Variants in ERICH6 observed in about 807,000 individuals in gnomAD.
ERICH6 encodes glutamate rich 6.
ERICH6 carries 71 observed loss-of-function variants against 71.0 expected under a neutral mutation model. The observed-to-expected ratio is 1.00, with a 90% CI of 0.83 to 1.22. ERICH6 has a LOEUF of 1.22. ERICH6 is among the 50% of genes most tolerant of loss of function. The pLI is 0.00. For missense variants in ERICH6, 808 were observed against 797.2 expected (o/e 1.01, Z -0.16); for synonymous variants, 262 against 278.4 (o/e 0.94, Z 0.59).
intron 7 of ERICH6, among the ~76,000 whole-genome samples, chr3:150,681,767 T>C (rs1019741874): frequency 6.6e-6 from 1 of 151,608 alleles, no homozygotes; most frequent in Non-Finnish European, 1.5e-5. Context: ...TATCCCACTG[T>C]GCTTGTGATT....
Position 150,675,734 on chromosome 3 carries a change from A to G in ERICH6, c.1258-1693T>C, listed in dbSNP as rs1194234542. 2.0e-5 allele frequency among the ~76,000 whole-genome samples: 3 copies of G among 151,708 alleles called. No homozygotes were observed. In the East Asian group the frequency reaches 5.8e-4, roughly 29 times the overall value. On this transcript the variant is annotated intron_variant, in intron 10 of 13. Transcript: ENST00000295910. Reference sequence around the variant, plus strand: ...TTTTTTTTTTTACCACACTGAAGACATTCCATTGCCTTTGAGCCTCTATTG... The same window carrying G: ...TTTTTTTTTTTACCACACTGAAGACGTTCCATTGCCTTTGAGCCTCTATTG...
chr3:150,691,041 T>C (rs1156542659), intron 3 of ERICH6, among the ~76,000 whole-genome samples: 1 of 152,200 alleles, frequency 6.6e-6, no homozygotes, highest in Non-Finnish European at 1.5e-5. Context: ...GTTCAGCGTA[T>C]GCCCAGGAAT....
intron 3 of ERICH6, among the ~76,000 whole-genome samples, chr3:150,697,911 G>A (rs539262162): frequency 1.3e-5 from 2 of 152,152 alleles, no homozygotes; most frequent in Non-Finnish European, 2.9e-5. Context: ...CTCCACTGCA[G>A]CCACACTGGC....
At position 150,660,055 on chromosome 3, in the gene ERICH6, A is replaced by G. The variant is rs1727152755; in HGVS notation, c.1829T>C (p.Leu610Pro). Residue 610 changes from leucine (L) to proline (P), a missense_variant, in exon 14 of 14, where the codon CTT (leucine) becomes CCT (proline). Leu to Pro is a moderately conservative substitution (Grantham distance 98). Transcript: ENST00000295910. ...TGAGGGAAAATTCACACATCCTTCA[A>G]GTTTATGAAACAGGCGACGGATCTT... Reference protein sequence around the residue: ...LIKIRRLFHKLEGCVNFPSSQ... With the variant: ...LIKIRRLFHKPEGCVNFPSSQ... 3 of 1,614,048 alleles carry G rather than the reference A, an allele frequency of 1.9e-6. No homozygotes were observed. Among genetic ancestry groups the G allele is most frequent in the Non-Finnish European group, 2.5e-6 (3 of 1,180,046 alleles).
intron 9 of ERICH6, among the ~76,000 whole-genome samples, 191 bp from the exon 10 acceptor site, chr3:150,678,745 A>C (rs1013327288): frequency 9.2e-5 from 14 of 152,160 alleles, no homozygotes; most frequent in African/African-American, 3.1e-4. Flanking sequence ...CCTTTGTTAA[A>C]AGAAGAAAAA....
rs149175016 is a variant in ERICH6, at chr3:150,685,996, C to T, written c.636G>A (p.Glu212=). 1.2e-5 allele frequency: 19 copies of T among 1,604,710 alleles called. No homozygotes were observed. In the East Asian group the frequency reaches 2.9e-4, roughly 24 times the overall value. ...GCTCATATAAAATATTTAGTTTCGA[C>T]TCTTCTGGATTAATTACCCATTTTT... The part of the protein sequence containing the change: ...LREKWVINPE[E]SKLNILYELE... Residue 212 remains glutamate (E), a synonymous_variant, in exon 5 of 14, where the codon GAG becomes GAA. Coordinates refer to ENST00000295910, the MANE Select transcript of ERICH6 (RefSeq NM_152394.5).
At chr3:150,667,625 A>T (rs1441203855) in intron 12 of ERICH6, among the ~76,000 whole-genome samples, 3 of 152,144 alleles carry the variant, frequency 2.0e-5, no homozygotes, top group African/African-American at 7.2e-5. Flanking sequence ...CAGACCATGA[A>T]TGCCTTACAT....
intron 10 of ERICH6, among the ~76,000 whole-genome samples, chr3:150,675,959 C>A (rs928608557): frequency 1.4e-5 from 2 of 147,412 alleles, no homozygotes; most frequent in African/African-American, 5.0e-5. Context: ...GATTCTTAAA[C>A]CTGTTGATTG....
chr3:150,687,710 G>C (rs748198791), intron 3 of ERICH6, among the ~76,000 whole-genome samples: 15 of 152,198 alleles, frequency 9.9e-5, no homozygotes, highest in Non-Finnish European at 1.9e-4. Flanking sequence ...AAACCAATCA[G>C]AGCAACCTAT....
At chr3:150,699,953 G>A (rs533982023) in intron 2 of ERICH6, among the ~76,000 whole-genome samples, 3 of 152,272 alleles carry the variant, frequency 2.0e-5, no homozygotes, top group African/African-American at 7.2e-5. Flanking sequence ...GCATCTAGGA[G>A]GAGTTCTGAA....
chr3:150,665,198 A>G (rs1425344223), intron 13 of ERICH6, among the ~76,000 whole-genome samples: 1 of 152,210 alleles, frequency 6.6e-6, no homozygotes, highest in Non-Finnish European at 1.5e-5. Context: ...AAAAGTGCTT[A>G]GCACATTGTA....
intron 2 of ERICH6, among the ~76,000 whole-genome samples, chr3:150,700,106 G>A (rs1312207947): frequency 2.0e-5 from 3 of 151,722 alleles, no homozygotes; most frequent in East Asian, 3.9e-4. Flanking sequence ...ATGGAGTCCC[G>A]CTCTGTTGCC....
chr3:150,684,462 T>C (rs1346619791), intron 6 of ERICH6, among the ~76,000 whole-genome samples: 1 of 152,180 alleles, frequency 6.6e-6, no homozygotes, highest in Non-Finnish European at 1.5e-5. Context: ...ATCCATGACA[T>C]GTTGCCTTGC....
In ERICH6 at chr3:150,703,554, G is replaced by T. The variant is rs1713023839; in HGVS notation, c.345C>A (p.Ser115Arg). The T allele has an allele frequency of 6.2e-7, 1 of 1,613,016 alleles. No homozygotes were observed. The highest frequency in any genetic ancestry group is 8.5e-7 in the Non-Finnish European group (1 of 1,179,620). ...CGCTCGGCGTTTCAGTGCTGGTCGC[G>T]CTCTGGCTGGGCACGAACGTAGAGG... is the stretch of plus-strand genomic sequence containing the variant. ...SLTSTFVPSQ[S>R]ATSTETPSAS... Residue 115 changes from serine (S) to arginine (R), a missense_variant, in exon 1 of 14, where the codon AGC (serine) becomes AGA (arginine). Ser to Arg is a moderately radical substitution (Grantham distance 110). Coordinates refer to ENST00000295910, the MANE Select transcript of ERICH6 (RefSeq NM_152394.5).
chr3:150,667,581 T>TGGAC (rs1051078641), intron 12 of ERICH6, among the ~76,000 whole-genome samples: 2 of 152,100 alleles, frequency 1.3e-5, no homozygotes, highest in Non-Finnish European at 2.9e-5. Context: ...AGAGCAAAGG[T>TGGAC]GGACCTTAGA....
Position 150,669,316 on chromosome 3 carries a change from A to G in ERICH6, c.1479T>C (p.Tyr493=). The change falls in exon 12 of 14, where the codon TAT becomes TAC. Residue 493 remains tyrosine, a synonymous_variant. Transcript: ENST00000295910. ...CTTACCAGACATTTCCATTGGGATG[A>G]TAGCAGGAACTTCTGCCAGAGGAAT... is the stretch of plus-strand genomic sequence containing the variant. ...VLDSSGRSSC[Y]HPNGNVWVYI... is the part of the protein sequence containing the mutation. 6.2e-7 allele frequency: 1 copy of G among 1,609,488 alleles called. No homozygotes were observed.
intron 3 of ERICH6, among the ~76,000 whole-genome samples, chr3:150,695,777 C>CTA (rs145221153): frequency 0.038 from 5,625 of 147,828 alleles, 360 homozygotes; most frequent in African/African-American, 0.13. Flanking sequence ...ATAGTATATA[C>CTA]TATATATATA....
At chr3:150,676,892 C>T (rs1481987608) in intron 10 of ERICH6, among the ~76,000 whole-genome samples, 1 of 152,030 alleles carries the variant, frequency 6.6e-6, no homozygotes, top group Non-Finnish European at 1.5e-5. Context: ...TGGCTCACTG[C>T]AACCTCTGTC....
chr3:150,661,326 G>A (rs1727215825), intron 13 of ERICH6, among the ~76,000 whole-genome samples: 1 of 152,160 alleles, frequency 6.6e-6, no homozygotes, highest in Admixed American at 6.5e-5. Flanking sequence ...TTTTTGTGTT[G>A]AGCACTGATG....
Sources: gnomAD v4.1 joint callset for allele counts (sites outside exome capture counted in the v4.1 genomes callset) on GRCh38, gnomAD v4.1.1 for gene constraint, MANE v1.5 for transcripts, NCBI Gene and HGNC (gene_info 2026-07-23, HGNC 2026-07-21) for gene names.